WDR72: variants seen among roughly 807,000 people sequenced by gnomAD.
WDR72 encodes the protein WD repeat domain 72.
Under a neutral mutation model 124.2 loss-of-function variants are expected in WDR72, and 120 were observed. The ratio of observed to expected loss-of-function variants is 0.97; its 90% CI spans 0.83 to 1.12. The LOEUF (loss-of-function observed/expected upper bound fraction) is 1.12, where lower values mean the gene tolerates loss of function less well. WDR72 is among the 50% of genes most tolerant of loss of function. The pLI, the probability that WDR72 is intolerant of heterozygous loss-of-function variation, is 0.00. For synonymous variants in WDR72, 452 were observed against 441.7 expected, an observed-to-expected ratio of 1.02 and a Z score of -0.29; for missense variants, 1,387 against 1,278.8, an observed-to-expected ratio of 1.08 and a Z score of -1.29.
chr15:53,635,277 T>C (rs1352019939), intron 14 of WDR72, among the ~76,000 whole-genome samples: 1 of 152,228 alleles, frequency 6.6e-6, no homozygotes, highest in Non-Finnish European at 1.5e-5. Flanking sequence ...GGTAGAGAAC[T>C]TAACAGCTTT....
At chr15:53,666,781 C>T (rs570307722) in intron 13 of WDR72, among the ~76,000 whole-genome samples, 1 of 152,054 alleles carries the variant, frequency 6.6e-6, no homozygotes, top group African/African-American at 2.4e-5. Flanking sequence ...TAGATAAAAA[C>T]ATTGGTAGAT....
intron 18 of WDR72, among the ~76,000 whole-genome samples, chr15:53,526,402 C>G (rs936081121): frequency 6.6e-6 from 1 of 152,010 alleles, no homozygotes; most frequent in East Asian, 1.9e-4. Flanking sequence ...TAGGCATGAC[C>G]AAAGATACAC....
intron 13 of WDR72, among the ~76,000 whole-genome samples, chr15:53,682,773 T>C (rs2016441775): frequency 6.6e-6 from 1 of 152,174 alleles, no homozygotes; most frequent in African/African-American, 2.4e-5. Flanking sequence ...AGTTCCAACC[T>C]CCGCTTGTTA....
rs116912890 is a variant in WDR72 at position 53,576,087 on chromosome 15, C to A, written c.3148+20992G>T. 7.4e-3 allele frequency among the ~76,000 whole-genome samples: 1,132 copies of A among 152,236 alleles called. 5 individuals are homozygous for A. The highest frequency in any genetic ancestry group is 0.014 in the Middle Eastern group (4 of 294). Reference sequence around the variant, plus strand: ...CATTCACAAACTGGCCCCACCCCAACTTTAAGCCTGCTCCATCACCTCACT... The same window carrying A: ...CATTCACAAACTGGCCCCACCCCAAATTTAAGCCTGCTCCATCACCTCACT... On this transcript the variant is annotated intron_variant, in intron 18 of 19. Transcript: ENST00000360509.
Position 53,515,030 on chromosome 15 carries a change from CAT to C in WDR72, c.*2667_*2668del, listed in dbSNP as rs1190639052. 2.1e-4 allele frequency: 25 copies of C among 117,100 alleles called. No individual in the cohort carries two copies. Among genetic ancestry groups the C allele is most frequent in the African/African-American group, 6.1e-4 (22 of 36,328 alleles). The allele number at this position is 117,100 out of a possible 1,614,324, so 7.3% of individuals were successfully genotyped here. On this transcript the variant is annotated 3_prime_UTR_variant, in exon 20 of 20. Transcript: ENST00000360509. ...TGCCATATATATATATATATACACA[CAT>C]ATATATGTGTATATATATGTGTGTA...
At chr15:53,741,921 T>C (rs1266693908) in intron 1 of WDR72, among the ~76,000 whole-genome samples, 1 of 152,094 alleles carries the variant, frequency 6.6e-6, no homozygotes, top group Admixed American at 6.6e-5. Context: ...ACAGATCGGG[T>C]TTCACCATGT....
chr15:53,661,201 G>T (rs2015598186), intron 14 of WDR72, among the ~76,000 whole-genome samples: 1 of 152,058 alleles, frequency 6.6e-6, no homozygotes, highest in Non-Finnish European at 1.5e-5. Flanking sequence ...TTTTTCTGTT[G>T]CTATAAAGGA....
chr15:53,636,306 C>T (rs1404262357), intron 14 of WDR72, among the ~76,000 whole-genome samples: 2 of 152,114 alleles, frequency 1.3e-5, no homozygotes, highest in Non-Finnish European at 2.9e-5. Flanking sequence ...TTTGTCAATC[C>T]TAACCTGATC....
At chr15:53,519,091 T>G (rs776204078) in intron 19 of WDR72, among the ~76,000 whole-genome samples, 4 of 152,028 alleles carry the variant, frequency 2.6e-5, no homozygotes, top group Admixed American at 1.3e-4. Flanking sequence ...AAAAGAAAAA[T>G]TATTAATTTT....
At chr15:53,611,312 C>A (rs181816590) in intron 16 of WDR72, among the ~76,000 whole-genome samples, 1 of 152,052 alleles carries the variant, frequency 6.6e-6, no homozygotes, top group African/African-American at 2.4e-5. Flanking sequence ...TAAGTGCCAA[C>A]CTAAATTCCA....
intron 14 of WDR72, among the ~76,000 whole-genome samples, chr15:53,654,532 C>CA (rs530358486): frequency 5.4e-4 from 82 of 152,158 alleles, no homozygotes; most frequent in Admixed American, 1.4e-3. Flanking sequence ...TAGATGAAGG[C>CA]AAAAAAACAT....
intron 18 of WDR72, among the ~76,000 whole-genome samples, chr15:53,574,189 A>T (rs578054122): frequency 5.8e-4 from 89 of 152,278 alleles, no homozygotes; most frequent in African/African-American, 1.9e-3. Context: ...AAAAATCCAA[A>T]CGTAATTTAA....
chr15:53,727,226 T>TAA (rs57976197), intron 2 of WDR72, among the ~76,000 whole-genome samples: 58,884 of 125,232 alleles, frequency 0.47, 15,380 homozygotes, highest in South Asian at 0.59. Context: ...AGACTCTGTC[T>TAA]AAAAAAAAAA....
rs1891450025 is a variant in WDR72, at chr15:53,516,157, C to A, written c.*1542G>T. On this transcript the variant is annotated 3_prime_UTR_variant, in exon 20 of 20. Transcript: ENST00000360509. ...AGGATAATAATTTTCCATGATTATT[C>A]ATATTAATGCTATGTTAGTTTCTAA... 6.6e-6 allele frequency: 1 copy of A among 152,044 alleles called. No homozygotes were observed. Among genetic ancestry groups the A allele is most frequent in the Non-Finnish European group, 1.5e-5 (1 of 67,990 alleles). 9.4% of individuals were successfully genotyped at this position (152,044 alleles called of 1,614,324 possible).
intron 1 of WDR72, among the ~76,000 whole-genome samples, chr15:53,746,583 T>A (rs1366836895): frequency 1.3e-5 from 2 of 152,218 alleles, no homozygotes; most frequent in African/African-American, 2.4e-5. Context: ...CTTATAGTTA[T>A]GTGACCTCTG....
chr15:53,577,848 T>A (rs2011695699), intron 18 of WDR72, among the ~76,000 whole-genome samples: 1 of 152,158 alleles, frequency 6.6e-6, no homozygotes, highest in Non-Finnish European at 1.5e-5. Context: ...TAATAGTTTG[T>A]TTTTATTCTA....
At chr15:53,581,108 T>G (rs2011898062) in intron 18 of WDR72, among the ~76,000 whole-genome samples, 1 of 152,076 alleles carries the variant, frequency 6.6e-6, no homozygotes, top group Admixed American at 6.6e-5. Flanking sequence ...GATTCAAGAT[T>G]AATCTCTGTG....
intron 14 of WDR72, among the ~76,000 whole-genome samples, chr15:53,653,653 T>C (rs1404650721): frequency 6.6e-6 from 1 of 152,194 alleles, no homozygotes; most frequent in Non-Finnish European, 1.5e-5. Context: ...AGATTAATAA[T>C]AATGGAATGC....
At chr15:53,579,746 G>A (rs1287007149) in intron 18 of WDR72, among the ~76,000 whole-genome samples, 1 of 152,068 alleles carries the variant, frequency 6.6e-6, no homozygotes, top group Non-Finnish European at 1.5e-5. Context: ...AAGACTCTAT[G>A]AGTCCTGTAA....
Sources: gnomAD v4.1 joint callset for allele counts (sites outside exome capture counted in the v4.1 genomes callset) on GRCh38, gnomAD v4.1.1 for gene constraint, MANE v1.5 for transcripts, NCBI Gene and HGNC (gene_info 2026-07-23, HGNC 2026-07-21) for gene names.